Variants in CBX5 observed in about 807,000 individuals in gnomAD.
CBX5 encodes the protein chromobox 5, also known as chromobox protein homolog 5.
A neutral mutation model predicts 20.7 loss-of-function variants in CBX5; 7 were observed. That is an observed-to-expected ratio of 0.34 (90% CI 0.19 to 0.63). CBX5 has a LOEUF of 0.63. Among genes scored for constraint, CBX5 ranks in the 30% least tolerant of loss-of-function variants. The pLI, the probability that CBX5 is intolerant of heterozygous loss-of-function variation, is 0.75. For missense variants in CBX5, 110 were observed against 224.1 expected (o/e 0.49, Z 3.25); for synonymous variants, 78 against 77.0 (o/e 1.01, Z -0.07).
intron 4 of CBX5, among the ~76,000 whole-genome samples, chr12:54,243,784 G>A (rs1482749736): frequency 1.3e-5 from 2 of 148,278 alleles, no homozygotes; most frequent in African/African-American, 5.0e-5. Context: ...GATGAGAACT[G>A]CTTGAACCTG....
chr12:54,267,657 G>A (rs1035084997), intron 1 of CBX5, among the ~76,000 whole-genome samples: 7 of 151,930 alleles, frequency 4.6e-5, no homozygotes, highest in East Asian at 1.9e-4. Flanking sequence ...AACTACAGGC[G>A]CCCGCCACCA....
intron 1 of CBX5, chr12:54,278,994 A>T (rs937838305): frequency 4.6e-5 from 7 of 152,218 alleles, no homozygotes; most frequent in African/African-American, 1.4e-4. Flanking sequence ...AGAAACACAA[A>T]ACAATCGACT....
Position 54,234,460 on chromosome 12 carries a change from G to A in CBX5, c.*7295C>T, listed in dbSNP as rs975031498. ...GTTAGGGTCACACCTGCCAATGCCA[G>A]GGGACATCACAAAAAAATAGAGAAT... On this transcript the variant is annotated 3_prime_UTR_variant, in exon 5 of 5. Coordinates refer to ENST00000209875, the MANE Select transcript of CBX5 (RefSeq NM_012117.3). 3 of 152,142 alleles carry A rather than the reference G, an allele frequency of 2.0e-5. No individual in the cohort carries two copies. Among genetic ancestry groups the A allele is most frequent in the African/African-American group, 7.2e-5 (3 of 41,430 alleles). 9.4% of individuals were successfully genotyped at this position (152,142 alleles called of 1,614,324 possible).
intron 1 of CBX5, among the ~76,000 whole-genome samples, chr12:54,269,837 C>T (rs904583590): frequency 5.3e-5 from 8 of 152,132 alleles, no homozygotes; most frequent in Non-Finnish European, 1.0e-4. Flanking sequence ...CTCTTGGCCT[C>T]CCAAAATGTT....
At chr12:54,274,768 T>C (rs1019396935) in intron 1 of CBX5, among the ~76,000 whole-genome samples, 1 of 151,906 alleles carries the variant, frequency 6.6e-6, no homozygotes, top group Admixed American at 6.6e-5. Context: ...TGAAATCCTG[T>C]CTCTACTAAA....
At chr12:54,249,338 C>G (rs915011707) in intron 3 of CBX5, among the ~76,000 whole-genome samples, 1 of 150,202 alleles carries the variant, frequency 6.7e-6, no homozygotes, top group African/African-American at 2.5e-5. Context: ...GCACTCCAGC[C>G]TGGGCAACAG....
At position 54,234,555 on chromosome 12, in the gene CBX5, C is replaced by T. The variant is rs1463538695; in HGVS notation, c.*7200G>A. The T allele has an allele frequency of 3.3e-5, 5 of 152,134 alleles. No individual in the cohort carries two copies. The highest frequency in any genetic ancestry group is 6.6e-5 in the Admixed American group (1 of 15,262). The allele number at this position is 152,134 out of a possible 1,614,324, so 9.4% of individuals were successfully genotyped here. A position where few individuals can be genotyped will look rare whatever the true frequency, so the allele number is the denominator to read the frequency against. On this transcript the variant is annotated 3_prime_UTR_variant, in exon 5 of 5. Transcript: ENST00000209875. ...GATAATAGTTTCCTATTAGATTTTC[C>T]GATTAATACTGATGGCTCTTACCTA...
chr12:54,244,816 G>A (rs1401686736), intron 4 of CBX5, among the ~76,000 whole-genome samples: 1 of 151,958 alleles, frequency 6.6e-6, no homozygotes, highest in Non-Finnish European at 1.5e-5. Context: ...CTTGTGCTTT[G>A]GCCAGTATTA....
chr12:54,251,747 T>A (rs1943806387), intron 3 of CBX5, among the ~76,000 whole-genome samples: 1 of 152,146 alleles, frequency 6.6e-6, no homozygotes, highest in African/African-American at 2.4e-5. Flanking sequence ...ATGATCCTCC[T>A]TCTCTAAGAT....
intron 4 of CBX5, among the ~76,000 whole-genome samples, chr12:54,242,997 G>A (rs1943694184): frequency 6.6e-6 from 1 of 152,072 alleles, no homozygotes; most frequent in South Asian, 2.1e-4. Flanking sequence ...GGTGGTGCAT[G>A]CTTGTGGTCC....
At chr12:54,278,889 T>C (rs949525094) in intron 1 of CBX5, 2 of 152,102 alleles carry the variant, frequency 1.3e-5, no homozygotes, top group Admixed American at 6.5e-5. Flanking sequence ...AAAAGAAATA[T>C]ATGAAAGTTC....
chr12:54,274,202 T>C (rs1450675590), intron 1 of CBX5: 1 of 152,242 alleles, frequency 6.6e-6, no homozygotes, highest in Non-Finnish European at 1.5e-5. Context: ...AGTGTAAAGC[T>C]GTCATCAGAA....
At chr12:54,247,237 C>T (rs914184521) in intron 3 of CBX5, among the ~76,000 whole-genome samples, 2 of 136,174 alleles carry the variant, frequency 1.5e-5, no homozygotes, top group African/African-American at 6.0e-5. Context: ...AAAACAAAAA[C>T]AAACAAAAAA....
At chr12:54,268,942 A>C (rs1254445315) in intron 1 of CBX5, among the ~76,000 whole-genome samples, 1 of 152,212 alleles carries the variant, frequency 6.6e-6, no homozygotes, top group African/African-American at 2.4e-5. Context: ...ATAGAAGTTA[A>C]ATGTCTGATA....
chr12:54,243,341 C>A (rs1049707118), intron 4 of CBX5, among the ~76,000 whole-genome samples: 4 of 151,820 alleles, frequency 2.6e-5, no homozygotes, highest in African/African-American at 9.7e-5. Context: ...TTTGGGAGGC[C>A]GAGGTGAGAA....
At chr12:54,243,698 G>A (rs563057410) in intron 4 of CBX5, among the ~76,000 whole-genome samples, 15 of 150,732 alleles carry the variant, frequency 1.0e-4, no homozygotes, top group African/African-American at 3.0e-4. Context: ...ATGAAACCCT[G>A]TCTCTACTAA....
In CBX5 at chr12:54,241,658, G is replaced by T. The variant is rs1943678094; in HGVS notation, c.*97C>A. Reference sequence around the variant, plus strand: ...CACAGTGATAAGCACATTTTTTATGGATGTGTTTAGGATAGAAAGGGGTGG... The same window carrying T: ...CACAGTGATAAGCACATTTTTTATGTATGTGTTTAGGATAGAAAGGGGTGG... On this transcript the variant is annotated 3_prime_UTR_variant, in exon 5 of 5. Transcript: ENST00000209875. 1 of 1,149,404 alleles carries T rather than the reference G, an allele frequency of 8.7e-7. No individual in the cohort carries two copies. The highest frequency in any genetic ancestry group is 1.2e-6 in the Non-Finnish European group (1 of 806,610). 71.2% of individuals were successfully genotyped at this position (1,149,404 alleles called of 1,614,324 possible).
chr12:54,259,169 A>G (rs951611984), intron 1 of CBX5: 4 of 152,100 alleles, frequency 2.6e-5, no homozygotes, highest in African/African-American at 7.2e-5. Context: ...CTTCAAGAAA[A>G]TATCTTATGT....
chr12:54,261,663 C>T (rs972962077), intron 1 of CBX5, among the ~76,000 whole-genome samples: 19 of 137,892 alleles, frequency 1.4e-4, no homozygotes, highest in African/African-American at 4.8e-4. Flanking sequence ...CAATTAAAAA[C>T]GGCATTTTTC....
Sources: gnomAD v4.1 joint callset for allele counts (sites outside exome capture counted in the v4.1 genomes callset) on GRCh38, gnomAD v4.1.1 for gene constraint, MANE v1.5 for transcripts, NCBI Gene and HGNC (gene_info 2026-07-23, HGNC 2026-07-21) for gene names.